AGBL3: variants seen among roughly 807,000 people sequenced by gnomAD.
AGBL3 encodes AGBL carboxypeptidase 3.
A neutral mutation model predicts 94.5 loss-of-function variants in AGBL3; 68 were observed. The ratio of observed to expected loss-of-function variants is 0.72; its 90% CI spans 0.59 to 0.88. The LOEUF (loss-of-function observed/expected upper bound fraction) is 0.88, where lower values mean the gene tolerates loss of function less well. Ranked by LOEUF, AGBL3 falls within the 40% of genes least tolerant of loss-of-function variation. AGBL3 has a pLI of 0.00. For missense variants in AGBL3, 934 were observed against 1,103.8 expected, an observed-to-expected ratio of 0.85 and a Z score of 2.18; for synonymous variants, 354 against 370.7, an observed-to-expected ratio of 0.95 and a Z score of 0.52.
chr7:135,068,534 C>G lies in AGBL3; in HGVS notation c.1909-7863C>G, dbSNP rs561352281. On this transcript the variant is annotated intron_variant, in intron 12 of 16. Transcript: ENST00000436302. ...GAAGCCCATCAGACTAACAGCTGAT[C>G]TCTCGGCAGAAACTCTACAAGCCAG... 2.6e-5 allele frequency among the ~76,000 whole-genome samples: 4 copies of G among 152,330 alleles called. No homozygotes were observed. The East Asian group carries it at 7.7e-4, about 29-fold the overall frequency.
chr7:135,006,967 G>A (rs942144569), intron 4 of AGBL3, among the ~76,000 whole-genome samples: 5 of 151,766 alleles, frequency 3.3e-5, no homozygotes, highest in African/African-American at 4.8e-5. Context: ...TATGAAGTAC[G>A]GAAACTGACT....
intron 16 of AGBL3, among the ~76,000 whole-genome samples, chr7:135,116,855 T>C (rs1299700437): frequency 6.6e-6 from 1 of 152,204 alleles, no homozygotes; most frequent in East Asian, 1.9e-4. Context: ...GGTCCTTTTC[T>C]ACACAGTACA....
intron 15 of AGBL3, among the ~76,000 whole-genome samples, chr7:135,106,206 G>C (rs1824690936): frequency 6.6e-6 from 1 of 152,084 alleles, no homozygotes; most frequent in African/African-American, 2.4e-5. Flanking sequence ...CTTCCTATTT[G>C]GATGCTCTTT....
intron 11 of AGBL3, among the ~76,000 whole-genome samples, chr7:135,048,204 A>G (rs1232025733): frequency 3.3e-5 from 5 of 151,796 alleles, no homozygotes; most frequent in African/African-American, 1.2e-4. Flanking sequence ...CTATCCTGTA[A>G]GTATAGATGT....
At chr7:134,992,981 A>G (rs1810489248) in intron 3 of AGBL3, among the ~76,000 whole-genome samples, 1 of 152,214 alleles carries the variant, frequency 6.6e-6, no homozygotes, top group Non-Finnish European at 1.5e-5. Context: ...CCAAAACACC[A>G]GATCACTGCA....
At chr7:135,035,319 CTT>C (rs1164897456) in intron 7 of AGBL3, among the ~76,000 whole-genome samples, 2 of 151,902 alleles carry the variant, frequency 1.3e-5, no homozygotes, top group Non-Finnish European at 2.9e-5. Context: ...TCTAGAAACT[CTT>C]TTAAATGTCA....
intron 16 of AGBL3, chr7:135,129,099 C>T: frequency 3.2e-6 from 5 of 1,584,864 alleles, no homozygotes; most frequent in Non-Finnish European, 4.3e-6. Context: ...CACTACTGGT[C>T]AGGTCAAAGA....
Position 135,135,382 on chromosome 7 carries a change from T to C in AGBL3, c.*121T>C, listed in dbSNP as rs1585324877. On this transcript the variant is annotated 3_prime_UTR_variant, in exon 17 of 17. Coordinates refer to ENST00000436302, the MANE Select transcript of AGBL3 (RefSeq NM_178563.4). ...CTATCTCTCCCCTTACACATGCATA[T>C]GCATAAACTAAAAATTTTAGATATC... 2 of 792,518 alleles carry C rather than the reference T, an allele frequency of 2.5e-6. No individual in the cohort carries two copies. Among genetic ancestry groups the C allele is most frequent in the East Asian group, 3.0e-5 (1 of 33,164 alleles). The allele number at this position is 792,518 out of a possible 1,614,324, so 49.1% of individuals were successfully genotyped here.
intron 4 of AGBL3, among the ~76,000 whole-genome samples, chr7:135,014,473 A>G (rs1813539957): frequency 6.6e-6 from 1 of 152,202 alleles, no homozygotes; most frequent in Non-Finnish European, 1.5e-5. Flanking sequence ...GGGATCACCC[A>G]AAGATAAATC....
intron 12 of AGBL3, among the ~76,000 whole-genome samples, chr7:135,074,982 A>C (rs576678557): frequency 1.3e-5 from 2 of 152,338 alleles, no homozygotes; most frequent in African/African-American, 4.8e-5. Context: ...ACATAATACC[A>C]ATTAAATTCT....
At chr7:135,134,782 T>G in intron 16 of AGBL3, 59 bp from the exon 17 acceptor site, 1 of 1,401,474 alleles carries the variant, frequency 7.1e-7, no homozygotes, top group Non-Finnish European at 9.7e-7. Flanking sequence ...ACAACATACC[T>G]AGGACTACAA....
Position 135,034,713 on chromosome 7 carries a change from G to GA in AGBL3, c.1125dup (p.Gly376ArgfsTer12). 1 of 1,550,746 alleles carries GA rather than the reference G, an allele frequency of 6.4e-7. No homozygotes were observed. The highest frequency in any genetic ancestry group is 8.7e-7 in the Non-Finnish European group (1 of 1,146,504). On this transcript the variant is annotated frameshift_variant, in exon 7 of 17. Coordinates refer to ENST00000436302, the MANE Select transcript of AGBL3 (RefSeq NM_178563.4). LOFTEE classifies it high-confidence loss of function. The stretch of plus-strand genomic sequence containing the variant: ...GGGAAACCAACAGCTCTTGGATCAT[G>GA]AAAGGCTTCCTAGATTATATTTTAG...
intron 15 of AGBL3, chr7:135,094,205 A>G (rs868535397): frequency 2.5e-5 from 9 of 356,876 alleles, no homozygotes; most frequent in African/African-American, 1.3e-4. Flanking sequence ...TAGCTGCAAC[A>G]TGAATAATGC....
chr7:135,065,828 C>T (rs1192802441), intron 12 of AGBL3, among the ~76,000 whole-genome samples: 1 of 152,094 alleles, frequency 6.6e-6, no homozygotes, highest in East Asian at 1.9e-4. Flanking sequence ...GAGGTCAAGG[C>T]TGCAGTAAGT....
chr7:135,039,560 CCTCAT>C (rs1156494944), intron 8 of AGBL3, among the ~76,000 whole-genome samples: 2 of 151,816 alleles, frequency 1.3e-5, no homozygotes, highest in Non-Finnish European at 2.9e-5. Flanking sequence ...CATGGTGAAA[CCTCAT>C]CTCTACTAAA....
At chr7:135,133,143 T>A (rs1414332311) in intron 16 of AGBL3, among the ~76,000 whole-genome samples, 2 of 151,918 alleles carry the variant, frequency 1.3e-5, no homozygotes, top group Non-Finnish European at 2.9e-5. Context: ...GAATACAAGA[T>A]AAATGTACAA....
chr7:135,096,558 A>AAGAAAGAAAGAAAGATAGAT (rs1303741491), intron 15 of AGBL3, among the ~76,000 whole-genome samples: 1 of 79,726 alleles, frequency 1.3e-5, no homozygotes, highest in Non-Finnish European at 2.6e-5. Context: ...GAAAGAAAGA[A>AAGAAAGAAAGAAAGATAGAT]AGATAGATAG....
chr7:135,011,220 A>T (rs1438729257), intron 4 of AGBL3: 1 of 152,196 alleles, frequency 6.6e-6, no homozygotes, highest in Non-Finnish European at 1.5e-5. Context: ...TTGGATTTCC[A>T]TATGGAAAAA....
At chr7:134,987,535 A>G (rs974678310) in intron 1 of AGBL3, among the ~76,000 whole-genome samples, 3 of 152,228 alleles carry the variant, frequency 2.0e-5, no homozygotes, top group East Asian at 3.8e-4. Context: ...AGTGACTATA[A>G]TTTTTAAATT....
Sources: allele counts gnomAD v4.1 joint callset (sites outside exome capture counted in the v4.1 genomes callset), GRCh38; gene constraint gnomAD v4.1.1; transcripts MANE v1.5; gene names NCBI Gene and HGNC (gene_info 2026-07-23, HGNC 2026-07-21).